Variants in HIBCH observed in about 807,000 individuals in gnomAD.
HIBCH encodes 3-hydroxyisobutyryl-CoA hydrolase.
A neutral mutation model predicts 58.2 loss-of-function variants in HIBCH; 50 were observed. The ratio of observed to expected loss-of-function variants is 0.86; its 90% CI spans 0.68 to 1.09. The LOEUF is 1.09. HIBCH is among the 50% of genes least tolerant of loss of function. The pLI is 0.00. For synonymous variants in HIBCH, 151 were observed against 146.9 expected (o/e 1.03, Z -0.20); for missense variants, 450 against 449.7 (o/e 1.00, Z -0.01).
At chr2:190,250,368 C>A (rs1389558575) in intron 8 of HIBCH, 2 of 469,696 alleles carry the variant, frequency 4.3e-6, no homozygotes, top group Non-Finnish European at 4.4e-6. Context: ...ATTGTTTTTA[C>A]ACTTACCATA....
chr2:190,248,947 C>T (rs1011197372), intron 9 of HIBCH, among the ~76,000 whole-genome samples: 11 of 152,242 alleles, frequency 7.2e-5, no homozygotes, highest in South Asian at 2.1e-4. Context: ...TCAGAGGGAC[C>T]TAGTCCCTTT....
At chr2:190,225,439 T>C (rs1386317422) in intron 11 of HIBCH, among the ~76,000 whole-genome samples, 2 of 152,000 alleles carry the variant, frequency 1.3e-5, no homozygotes, top group Non-Finnish European at 2.9e-5. Context: ...AAAGGGGATA[T>C]CACCACCGAT....
At chr2:190,309,635 A>G (rs1688508291) in intron 2 of HIBCH, among the ~76,000 whole-genome samples, 1 of 151,340 alleles carries the variant, frequency 6.6e-6, no homozygotes, top group South Asian at 2.1e-4. Flanking sequence ...GGCTCACTGC[A>G]AGCTCTGCCT....
intron 6 of HIBCH, among the ~76,000 whole-genome samples, chr2:190,274,301 A>C (rs987489208): frequency 1.3e-5 from 2 of 152,250 alleles, no homozygotes; most frequent in African/African-American, 4.8e-5. Flanking sequence ...TCAATCTTTG[A>C]GCACTGTTCA....
chr2:190,234,582 A>C (rs1228342155), intron 11 of HIBCH, among the ~76,000 whole-genome samples: 1 of 152,002 alleles, frequency 6.6e-6, no homozygotes, highest in Non-Finnish European at 1.5e-5. Flanking sequence ...AAATTCAAAC[A>C]ATCACACCTG....
intron 11 of HIBCH, among the ~76,000 whole-genome samples, chr2:190,239,142 A>G (rs1481300240): frequency 2.0e-5 from 3 of 152,188 alleles, no homozygotes; most frequent in Non-Finnish European, 4.4e-5. Flanking sequence ...ATTTTCACCT[A>G]AAGTGTAAGG....
intron 2 of HIBCH, among the ~76,000 whole-genome samples, chr2:190,307,482 G>A (rs183253389): frequency 6.6e-6 from 1 of 151,988 alleles, no homozygotes; most frequent in Non-Finnish European, 1.5e-5. Flanking sequence ...GGCCAGTCTG[G>A]GCAACACAGA....
intron 1 of HIBCH, among the ~76,000 whole-genome samples, chr2:190,314,358 CGTATATATAT>C (rs1559068583): frequency 4.0e-4 from 6 of 14,846 alleles, no homozygotes; most frequent in African/African-American, 9.0e-4. Flanking sequence ...TGTATATATA[CGTATATATAT>C]ACGTATATAT....
At chr2:190,270,549 G>C (rs1490128101) in intron 6 of HIBCH, among the ~76,000 whole-genome samples, 1 of 152,176 alleles carries the variant, frequency 6.6e-6, no homozygotes, top group Non-Finnish European at 1.5e-5. Flanking sequence ...GTAAGCTCCT[G>C]CCCAGAATAA....
At chr2:190,270,279 T>TAAA in intron 6 of HIBCH, among the ~76,000 whole-genome samples, 1 of 148,636 alleles carries the variant, frequency 6.7e-6, no homozygotes, top group South Asian at 2.2e-4. Flanking sequence ...TTTTTTTTTT[T>TAAA]TAAAAAAAAA....
intron 11 of HIBCH, among the ~76,000 whole-genome samples, chr2:190,224,926 G>A (rs898512750): frequency 6.6e-6 from 1 of 152,172 alleles, no homozygotes; most frequent in African/African-American, 2.4e-5. Context: ...CAGTCTCTCA[G>A]ACCACAGTGC....
intron 7 of HIBCH, among the ~76,000 whole-genome samples, chr2:190,257,403 GGAAT>G (rs1686956020): frequency 6.6e-6 from 1 of 151,630 alleles, no homozygotes; most frequent in Admixed American, 6.6e-5. Context: ...GAAGAAAGGA[GGAAT>G]GAATACTGGA....
rs35679833 is a variant in HIBCH, at chr2:190,195,941, C to CTTTTTTT, written c.*18-5951_*18-5945dup. Among the ~76,000 whole-genome samples, 14 of 86,172 alleles carry CTTTTTTT rather than the reference C, an allele frequency of 1.6e-4. 1 individual carries two copies. The highest frequency in any genetic ancestry group is 4.5e-4 in the South Asian group (1 of 2,216). 56.5% of individuals were successfully genotyped at this position (86,172 alleles called of 152,430 possible). ...TGAAGGGTTTAAGAACTGTGTCCAG[C>CTTTTTTT]TTTTTTTTTTTTTTTTTTTTTGGCA... On this transcript the variant is annotated intron_variant, in intron 1 of 1. Coordinates refer to the HIBCH transcript ENST00000399855.
intron 7 of HIBCH, among the ~76,000 whole-genome samples, chr2:190,258,048 T>A (rs1167339174): frequency 6.6e-6 from 1 of 152,178 alleles, no homozygotes; most frequent in African/African-American, 2.4e-5. Context: ...TGTTGAATTG[T>A]AATCCCCAGT....
chr2:190,291,826 C>T (rs1346496329), intron 4 of HIBCH, among the ~76,000 whole-genome samples: 1 of 152,222 alleles, frequency 6.6e-6, no homozygotes, highest in African/African-American at 2.4e-5. Flanking sequence ...CTTCTATATA[C>T]TGCAACTCAT....
chr2:190,262,161 G>GTCA (rs555160781), intron 6 of HIBCH, among the ~76,000 whole-genome samples: 23,402 of 99,458 alleles, frequency 0.24, 2,092 homozygotes, highest in East Asian at 0.38. Flanking sequence ...ATGCGGTAGA[G>GTCA]ACAAAAAAAA....
At chr2:190,293,877 CTCTTT>C (rs1343608292) in intron 4 of HIBCH, among the ~76,000 whole-genome samples, 6 of 151,868 alleles carry the variant, frequency 4.0e-5, no homozygotes, top group Admixed American at 1.3e-4. Flanking sequence ...GACATTTCTT[CTCTTT>C]TGTCTTTAAC....
At chr2:190,233,063 C>A (rs1183498969) in intron 11 of HIBCH, among the ~76,000 whole-genome samples, 3 of 151,926 alleles carry the variant, frequency 2.0e-5, no homozygotes, top group African/African-American at 7.3e-5. Flanking sequence ...TCTTGGGGAC[C>A]CTTGACACAG....
At position 190,210,431 on chromosome 2, in the gene HIBCH, C is replaced by T. The variant is rs1690490615; in HGVS notation, c.1012-1518G>A. Among the ~76,000 whole-genome samples the T allele has an allele frequency of 1.3e-5, 2 of 152,154 alleles. No homozygotes were observed. Among genetic ancestry groups the T allele is most frequent in the Non-Finnish European group, 2.9e-5 (2 of 68,034 alleles). On this transcript the variant is annotated intron_variant, in intron 12 of 13. Transcript: ENST00000359678. The surrounding 1 kb of genome is among the most constrained non-coding windows in gnomAD (Gnocchi z 5.5). ...TTCCTACTGCTCTTTCTCTACCACA[C>T]CTCAAAATGTTAGAGTTCCTTAGGG... is the stretch of plus-strand genomic sequence containing the variant.
Sources: gnomAD v4.1 joint callset for allele counts (sites outside exome capture counted in the v4.1 genomes callset) on GRCh38, gnomAD v4.1.1 for gene constraint, Gnocchi (gnomAD v3.1) non-coding constraint, MANE v1.5 for transcripts, NCBI Gene and HGNC (gene_info 2026-07-23, HGNC 2026-07-21) for gene names.